The following EARS2 variants were observed in gnomAD, a reference collection of about 807,000 sequenced individuals.
EARS2 encodes the protein nondiscriminating glutamyl-tRNA synthetase EARS2, mitochondrial.
In EARS2, 50 loss-of-function variants were observed where a neutral mutation model predicts 54.1. The ratio of observed to expected loss-of-function variants is 0.92; its 90% CI spans 0.74 to 1.17. The LOEUF (loss-of-function observed/expected upper bound fraction) is 1.17, where lower values mean the gene tolerates loss of function less well. Among genes scored for constraint, EARS2 ranks in the 50% most tolerant of loss-of-function variants. The pLI is 0.00. For missense variants in EARS2, 673 were observed against 675.0 expected (o/e 1.00, Z 0.03); for synonymous variants, 298 against 281.0 (o/e 1.06, Z -0.61).
chr16:23,552,339 G>A, intron 1 of EARS2, 35 bp from the exon 2 acceptor site: 1 of 1,608,384 alleles, frequency 6.2e-7, no homozygotes, highest in Non-Finnish European at 8.5e-7. Context: ...AGACAGGGAA[G>A]ATAAGCTAAT....
intron 3 of EARS2, among the ~76,000 whole-genome samples, chr16:23,542,967 T>C (rs1469517742): frequency 6.8e-6 from 1 of 147,470 alleles, no homozygotes; most frequent in Non-Finnish European, 1.5e-5. Context: ...ACACAAAAAT[T>C]AGCCAGGTGT....
rs1189733703 is a variant in EARS2, at chr16:23,522,652, G to GC, written c.*1718dup. On this transcript the variant is annotated 3_prime_UTR_variant, in exon 9 of 9. Coordinates refer to ENST00000449606, the MANE Select transcript of EARS2 (RefSeq NM_001083614.2). ...ATGGGGCTCAACAAACTCTGTAATC[G>GC]CCTTTCCACTCCCCTGGACAAAATA... 1 of 152,084 alleles carries GC rather than the reference G, an allele frequency of 6.6e-6. No individual in the cohort carries two copies. Among genetic ancestry groups the GC allele is most frequent in the African/African-American group, 2.4e-5 (1 of 41,396 alleles). 9.4% of individuals were successfully genotyped at this position (152,084 alleles called of 1,614,324 possible). A position where few individuals can be genotyped will look rare whatever the true frequency, so the allele number is the denominator to read the frequency against.
intron 7 of EARS2, 92 bp downstream of exon 7, chr16:23,529,410 C>G: frequency 1.3e-6 from 2 of 1,497,016 alleles, no homozygotes; most frequent in East Asian, 2.4e-5. Flanking sequence ...TGTGCTGGGG[C>G]CCCAACAGCC....
Position 23,522,078 on chromosome 16 carries a change from C to T in EARS2, c.*2293G>A. The T allele has an allele frequency of 3.2e-6, 1 of 308,674 alleles. No individual in the cohort carries two copies. The highest frequency in any genetic ancestry group is 2.8e-5 in the South Asian group (1 of 35,688). 19.1% of individuals were successfully genotyped at this position (308,674 alleles called of 1,614,324 possible). A position where few individuals can be genotyped will look rare whatever the true frequency, so the allele number is the denominator to read the frequency against. ...AGGCATTTACGAGCATTATCTGACACCTGGGAGAGGGTGAGGCTCATATAA... is the reference window on the plus strand; with the variant it reads ...AGGCATTTACGAGCATTATCTGACATCTGGGAGAGGGTGAGGCTCATATAA... On this transcript the variant is annotated 3_prime_UTR_variant, in exon 9 of 9. Coordinates refer to ENST00000449606, the MANE Select transcript of EARS2 (RefSeq NM_001083614.2).
chr16:23,556,900 G>C, intron 1 of EARS2: 1 of 616,428 alleles, frequency 1.6e-6, no homozygotes, highest in Non-Finnish European at 3.0e-6. Context: ...CTTTCTCAAT[G>C]ATCACTGTAT....
chr16:23,532,489 T>C, intron 5 of EARS2, 168 bp downstream of exon 5: 1 of 547,854 alleles, frequency 1.8e-6, no homozygotes. Context: ...ATCAGTACTG[T>C]TATTAATCCC....
chr16:23,522,227 T>C lies in EARS2; in HGVS notation c.*2144A>G. ...TTCCTTGAGAACAACTTTTCCTCCA[T>C]TGCATATAATCCCTGTGAAACTACC... On this transcript the variant is annotated 3_prime_UTR_variant, in exon 9 of 9. Coordinates refer to ENST00000449606, the MANE Select transcript of EARS2 (RefSeq NM_001083614.2). 1 of 199,850 alleles carries C rather than the reference T, an allele frequency of 5.0e-6. No homozygotes were observed. The highest frequency in any genetic ancestry group is 8.4e-5 in the South Asian group (1 of 11,872). The allele number at this position is 199,850 out of a possible 1,614,324, so 12.4% of individuals were successfully genotyped here.
At chr16:23,528,314 TG>T (rs1016889161) in intron 7 of EARS2, among the ~76,000 whole-genome samples, 4 of 151,974 alleles carry the variant, frequency 2.6e-5, no homozygotes, top group African/African-American at 9.7e-5. Context: ...AAATATAATG[TG>T]GGAAAAAAGC....
At chr16:23,554,206 G>A (rs1284306668) in intron 1 of EARS2, among the ~76,000 whole-genome samples, 4 of 151,476 alleles carry the variant, frequency 2.6e-5, no homozygotes, top group Non-Finnish European at 5.9e-5. Context: ...TTTTTGCAGA[G>A]GCAAGGTCTC....
At chr16:23,531,421 C>T (rs1965325240) in intron 5 of EARS2, among the ~76,000 whole-genome samples, 2 of 152,030 alleles carry the variant, frequency 1.3e-5, no homozygotes. Context: ...CCACCACACC[C>T]GGCTAAGTTT....
chr16:23,531,879 G>C (rs1965333309), intron 5 of EARS2, among the ~76,000 whole-genome samples: 2 of 152,068 alleles, frequency 1.3e-5, no homozygotes, highest in Non-Finnish European at 2.9e-5. Flanking sequence ...GCAGTGGTGT[G>C]ATCCTGTCTC....
chr16:23,529,481 G>A, intron 7 of EARS2, 21 bp downstream of exon 7: 1 of 1,610,204 alleles, frequency 6.2e-7, no homozygotes, highest in South Asian at 1.1e-5. Flanking sequence ...GGAACCCTGA[G>A]CTCAGCCTGC....
intron 2 of EARS2, 26 bp from the exon 3 acceptor site, chr16:23,544,729 T>G (rs755586596): frequency 1.9e-6 from 3 of 1,574,630 alleles, no homozygotes; most frequent in Non-Finnish European, 2.6e-6. Flanking sequence ...TAATGACAGC[T>G]AAGGTGCACA....
At chr16:23,530,284 C>G (rs1292953001) in intron 5 of EARS2, among the ~76,000 whole-genome samples, 1 of 152,116 alleles carries the variant, frequency 6.6e-6, no homozygotes, top group Non-Finnish European at 1.5e-5. Flanking sequence ...CATCACCATG[C>G]CCAGCTAATT....
chr16:23,550,566 T>A (rs978047660), intron 2 of EARS2, among the ~76,000 whole-genome samples: 1 of 151,356 alleles, frequency 6.6e-6, no homozygotes, highest in South Asian at 2.1e-4. Context: ...GCCTCCTGAG[T>A]AGCTGAGACT....
chr16:23,553,356 A>G (rs550881069), intron 1 of EARS2, among the ~76,000 whole-genome samples: 5 of 152,290 alleles, frequency 3.3e-5, no homozygotes, highest in African/African-American at 1.2e-4. Context: ...AGAAGCAGAG[A>G]GTTATTCATT....
chr16:23,548,875 G>A (rs986637284), intron 2 of EARS2, among the ~76,000 whole-genome samples: 11 of 152,146 alleles, frequency 7.2e-5, no homozygotes, highest in African/African-American at 2.2e-4. Context: ...TGGACCAATC[G>A]GCAGGCATGC....
chr16:23,546,457 G>A, intron 2 of EARS2: 1 of 455,384 alleles, frequency 2.2e-6, no homozygotes. Context: ...GAAACAAGTA[G>A]TAACTTTCTC....
chr16:23,546,419 G>C (rs1459352133), intron 2 of EARS2: 1 of 456,018 alleles, frequency 2.2e-6, no homozygotes, highest in Non-Finnish European at 4.4e-6. Context: ...CATCTTTCTG[G>C]GCTCTGGGTT....
Sources: gnomAD v4.1 joint callset for allele counts (sites outside exome capture counted in the v4.1 genomes callset) on GRCh38, gnomAD v4.1.1 for gene constraint, MANE v1.5 for transcripts, NCBI Gene and HGNC (gene_info 2026-07-23, HGNC 2026-07-21) for gene names.